Variants in NEBL observed in about 807,000 individuals in gnomAD.
The protein encoded by NEBL is nebulette.
Under a neutral mutation model 140.2 loss-of-function variants are expected in NEBL, and 122 were observed. The observed-to-expected ratio is 0.87, with a 90% CI of 0.75 to 1.01. NEBL has a LOEUF of 1.01. NEBL is among the 50% of genes least tolerant of loss of function. The pLI is 0.00. For synonymous variants in NEBL, 436 were observed against 398.9 expected, an observed-to-expected ratio of 1.09 and a Z score of -1.11; for missense variants, 1,365 against 1,231.3, an observed-to-expected ratio of 1.11 and a Z score of -1.62.
rs532310295 is a variant in NEBL, at chr10:20,803,538, G to A, written c.2761+4972C>T. Reference sequence around the variant, plus strand: ...TTAAAAGAATCAACAACATCCAGAAGAAAAATAGCGTTTCTAAATATTTAT... The same window carrying A: ...TTAAAAGAATCAACAACATCCAGAAAAAAAATAGCGTTTCTAAATATTTAT... On this transcript the variant is annotated intron_variant, in intron 26 of 27. Coordinates refer to ENST00000377122, the MANE Select transcript of NEBL (RefSeq NM_006393.3). Among the ~76,000 whole-genome samples, 6 of 152,044 alleles carry A rather than the reference G, an allele frequency of 3.9e-5. 1 individual carries two copies. The South Asian group carries it at 1.2e-3, about 32-fold the overall frequency.
chr10:21,173,441 G>A lies in NEBL; in HGVS notation c.69+324C>T, dbSNP rs968517371. Among the ~76,000 whole-genome samples, 16 of 152,092 alleles carry A rather than the reference G, an allele frequency of 1.1e-4. No individual in the cohort carries two copies. Among genetic ancestry groups the A allele is most frequent in the Non-Finnish European group, 2.1e-4 (14 of 67,976 alleles). On this transcript the variant is annotated intron_variant, in intron 1 of 6. Transcript: ENST00000417816. The surrounding 1 kb of genome is among the most constrained non-coding windows in gnomAD (Gnocchi z 5.7). ...AGTGGAGGTGGAGGGGGCGCGGCTC[G>A]CCGAAGTGCCCCCCTGGGTGCCCAG...
chr10:21,068,524 G>A (rs1279300726), intron 2 of NEBL, among the ~76,000 whole-genome samples: 1 of 152,202 alleles, frequency 6.6e-6, no homozygotes, highest in African/African-American at 2.4e-5. Flanking sequence ...ATGTAAGCCT[G>A]AAGCTGCAAA....
At chr10:21,234,183 G>T (rs1033335295) in intron 3 of NEBL, among the ~76,000 whole-genome samples, 9 of 151,950 alleles carry the variant, frequency 5.9e-5, no homozygotes, top group African/African-American at 2.2e-4. Context: ...ATGCCAAAGT[G>T]GATTTGGATT....
chr10:20,934,555 G>C (rs1014060599), intron 4 of NEBL, among the ~76,000 whole-genome samples: 1 of 152,078 alleles, frequency 6.6e-6, no homozygotes, highest in Non-Finnish European at 1.5e-5. Context: ...TGCTATCCAC[G>C]ATGGGCCCGC....
At chr10:21,204,052 T>G (rs2132229511) in intron 3 of NEBL, among the ~76,000 whole-genome samples, 1 of 152,340 alleles carries the variant, frequency 6.6e-6, no homozygotes, top group South Asian at 2.1e-4. Flanking sequence ...ACAAGCTGTT[T>G]ATCGGAGATG....
chr10:20,922,421 A>G (rs1481177372), intron 4 of NEBL, among the ~76,000 whole-genome samples: 2 of 152,238 alleles, frequency 1.3e-5, no homozygotes, highest in African/African-American at 4.8e-5. Flanking sequence ...ATAAATTCAT[A>G]GAGTGTCACT....
At chr10:20,834,774 T>C (rs1019062505) in intron 14 of NEBL, among the ~76,000 whole-genome samples, 23 of 152,234 alleles carry the variant, frequency 1.5e-4, no homozygotes, top group African/African-American at 5.5e-4. Flanking sequence ...TTTACTCCAG[T>C]GATCCTTTTA....
intron 2 of NEBL, among the ~76,000 whole-genome samples, chr10:21,104,681 G>A (rs1179376429): frequency 1.3e-5 from 2 of 152,108 alleles, no homozygotes; most frequent in East Asian, 1.9e-4. Context: ...AATGAAGGTA[G>A]TTGTATCCTT....
chr10:20,784,968 C>G lies in NEBL; in HGVS notation c.*779G>C, dbSNP rs1387587068. The G allele has an allele frequency of 6.6e-6, 1 of 152,608 alleles. No individual in the cohort carries two copies. Among genetic ancestry groups the G allele is most frequent in the South Asian group, 2.1e-4 (1 of 4,826 alleles). 9.5% of individuals were successfully genotyped at this position (152,608 alleles called of 1,614,324 possible). On this transcript the variant is annotated 3_prime_UTR_variant, in exon 28 of 28. Transcript: ENST00000377122. ...CTGCCTATGTTACAGAAGCTTGAAT[C>G]TACATGACATGCAACAGGGTAAATG...
chr10:21,059,217 T>C (rs1039103910), intron 2 of NEBL, among the ~76,000 whole-genome samples: 1 of 152,256 alleles, frequency 6.6e-6, no homozygotes, highest in Non-Finnish European at 1.5e-5. Flanking sequence ...TCATGTTGTA[T>C]GAATTACAGA....
At position 20,814,450 on chromosome 10, in the gene NEBL, A is replaced by C. The variant is rs538990324; in HGVS notation, c.2242-407T>G. On this transcript the variant is annotated intron_variant, in intron 22 of 27. Coordinates refer to ENST00000377122, the MANE Select transcript of NEBL (RefSeq NM_006393.3). The stretch of plus-strand genomic sequence containing the variant: ...CCATCTCTACAGGTAAAAATTAAAA[A>C]AAAAAAAAAATTAGTTGGGCGTGTG... 2.6e-5 allele frequency among the ~76,000 whole-genome samples: 4 copies of C among 152,012 alleles called. No individual in the cohort carries two copies. The East Asian group carries it at 5.8e-4, about 22-fold the overall frequency.
At chr10:21,203,925 A>T (rs1378627813) in intron 3 of NEBL, among the ~76,000 whole-genome samples, 2 of 152,074 alleles carry the variant, frequency 1.3e-5, no homozygotes, top group African/African-American at 4.8e-5. Context: ...GGGTCAGTGG[A>T]GTGTGCTCTT....
chr10:20,932,672 T>C (rs1319160722), intron 4 of NEBL, among the ~76,000 whole-genome samples: 1 of 152,252 alleles, frequency 6.6e-6, no homozygotes, highest in African/African-American at 2.4e-5. Context: ...CTAAAAATCA[T>C]ATCACTGATT....
chr10:21,034,698 C>A, intron 2 of NEBL, among the ~76,000 whole-genome samples: 1 of 152,166 alleles, frequency 6.6e-6, no homozygotes, highest in East Asian at 1.9e-4. Flanking sequence ...TAACGCACTT[C>A]AATTTATTAA....
At chr10:20,881,625 T>C (rs903232110) in intron 4 of NEBL, among the ~76,000 whole-genome samples, 1 of 152,252 alleles carries the variant, frequency 6.6e-6, no homozygotes, top group African/African-American at 2.4e-5. Context: ...ATTTCCTTCA[T>C]AATGTTTAAT....
At position 20,814,024 on chromosome 10, in the gene NEBL, T is replaced by C. The variant is rs1787869229; in HGVS notation, c.2261A>G (p.His754Arg). ...ACTTGGTCTACCTTTCATCTGTTTA[T>C]GGTCCTGGGTATATTTTACCTGCAA... The part of the protein sequence containing the change: ...NISSVKYTQD[H>R]KQMKGRPSLI... The change falls in exon 23 of 28, where the codon CAT (histidine) becomes CGT (arginine). Residue 754 changes from histidine (H) to arginine (R), a missense_variant. His to Arg is a conservative substitution (Grantham distance 29). Around this residue, in one of 2 missense-constraint regions of NEBL, gnomAD observed 1,323 missense variants for 1,154.8 expected, o/e 1.15. Coordinates refer to ENST00000377122, the MANE Select transcript of NEBL (RefSeq NM_006393.3). 4 of 1,604,592 alleles carry C rather than the reference T, an allele frequency of 2.5e-6. No individual in the cohort carries two copies. The highest frequency in any genetic ancestry group is 1.3e-5 in the African/African-American group (1 of 74,826).
Position 20,828,574 on chromosome 10 carries a change from G to T in NEBL, c.1732C>A (p.Pro578Thr). The T allele has an allele frequency of 6.3e-7, 1 of 1,597,716 alleles. No homozygotes were observed. The change falls in exon 17 of 28, where the codon CCT (proline) becomes ACT (threonine). Residue 578 changes from proline (P) to threonine (T), a missense_variant. Transcript: ENST00000377122. The stretch of plus-strand genomic sequence containing the variant: ...GTTGTCTTAATTCTCTGAATTTCAG[G>T]AGTATCTGCTATGGTAGAATAGTTA... ...LSNYSTIADT[P>T]EIQRIKTTQQ...
At chr10:21,165,960 A>G (rs1314033976) in intron 2 of NEBL, among the ~76,000 whole-genome samples, 1 of 152,130 alleles carries the variant, frequency 6.6e-6, no homozygotes, top group Admixed American at 6.5e-5. Context: ...ACCACTTCCA[A>G]TAAAAAATAT....
chr10:21,288,838 A>ATATATATATATATATATG (rs1843102394), intron 1 of NEBL, among the ~76,000 whole-genome samples: 1 of 85,488 alleles, frequency 1.2e-5, no homozygotes, highest in East Asian at 3.6e-4. Flanking sequence ...ATATATATAT[A>ATATATATATATATATATG]TATATATATA....
Sources: allele counts gnomAD v4.1 joint callset (sites outside exome capture counted in the v4.1 genomes callset), GRCh38; gene constraint gnomAD v4.1.1; regional missense constraint gnomAD v4.1.1; non-coding constraint Gnocchi (gnomAD v3.1); transcripts MANE v1.5; gene names NCBI Gene and HGNC (gene_info 2026-07-23, HGNC 2026-07-21).